Variants in JAKMIP3 observed in about 807,000 individuals in gnomAD.
JAKMIP3 encodes the protein Janus kinase and microtubule interacting protein 3.
JAKMIP3 carries 58 observed loss-of-function variants against 118.5 expected under a neutral mutation model. That is an observed-to-expected ratio of 0.49 (90% CI 0.40 to 0.61). The LOEUF (loss-of-function observed/expected upper bound fraction) is 0.61, where lower values mean the gene tolerates loss of function less well. Ranked by LOEUF, JAKMIP3 falls within the 20% of genes least tolerant of loss-of-function variation. The probability of loss-of-function intolerance (pLI) is 0.00; values close to 1 mark genes in which losing one functional copy is unlikely to be tolerated. For synonymous variants in JAKMIP3, 486 were observed against 451.2 expected (o/e 1.08, Z -0.98); for missense variants, 950 against 1,109.0 (o/e 0.86, Z 2.04).
chr10:132,055,989 G>A (rs1370660978), intron 1 of JAKMIP3, among the ~76,000 whole-genome samples: 1 of 152,224 alleles, frequency 6.6e-6, no homozygotes, highest in Non-Finnish European at 1.5e-5. Flanking sequence ...TCCAAGTGCT[G>A]TGAACATGAC....
Position 132,089,381 on chromosome 10 carries a change from T to C in JAKMIP3, c.-137-15291T>C, listed in dbSNP as rs548500426. Among the ~76,000 whole-genome samples the C allele has an allele frequency of 6.8e-4, 104 of 152,260 alleles. 1 individual carries two copies. Among genetic ancestry groups the C allele is most frequent in the African/African-American group, 2.4e-3 (101 of 41,540 alleles). ...CATTTGTATGTGTCCTCTTTTATTT[T>C]GTTGAGCAGTGGTTTGTAGTTCTCC... On this transcript the variant is annotated intron_variant, in intron 1 of 23. Coordinates refer to ENST00000684848, the MANE Select transcript of JAKMIP3 (RefSeq NM_001323087.2).
chr10:132,132,014 C>T (rs1283650861), intron 3 of JAKMIP3, among the ~76,000 whole-genome samples: 2 of 152,208 alleles, frequency 1.3e-5, no homozygotes, highest in African/African-American at 4.8e-5. Flanking sequence ...AAATGCCAGG[C>T]CGCAGGCACA....
rs2044233831 is a variant in JAKMIP3, at chr10:132,097,973, T to TCC, written c.-137-6699_-137-6698insCC. 2.0e-4 allele frequency among the ~76,000 whole-genome samples: 4 copies of TCC among 20,444 alleles called. 1 individual carries two copies. Among genetic ancestry groups the TCC allele is most frequent in the Non-Finnish European group, 3.7e-4 (3 of 8,204 alleles). 13.4% of individuals were successfully genotyped at this position (20,444 alleles called of 152,430 possible). On this transcript the variant is annotated intron_variant, in intron 1 of 23. Coordinates refer to ENST00000684848, the MANE Select transcript of JAKMIP3 (RefSeq NM_001323087.2). ...CCATCCCCTTTCCCTTTCCTTCCTTTTCTCCCCTTCCCCTTCCCCTTCCCC... is the reference window on the plus strand; with the variant it reads ...CCATCCCCTTTCCCTTTCCTTCCTTTCCTCTCCCCTTCCCCTTCCCCTTCCCC...
chr10:132,138,733 G>A lies in JAKMIP3; in HGVS notation c.1344+555G>A, dbSNP rs559682485. Among the ~76,000 whole-genome samples, 8 of 152,298 alleles carry A rather than the reference G, an allele frequency of 5.3e-5. No individual in the cohort carries two copies. The South Asian group carries it at 1.7e-3, about 32-fold the overall frequency. On this transcript the variant is annotated intron_variant, in intron 9 of 23. Coordinates refer to ENST00000684848, the MANE Select transcript of JAKMIP3 (RefSeq NM_001323087.2). ...CGGCTCTGGTGTCCTCACTGCCTGT[G>A]TAGGGTCCGAGTCCCCACGACCTGT...
chr10:132,148,507 C>T (rs1439422204), intron 14 of JAKMIP3, among the ~76,000 whole-genome samples: 6 of 104,738 alleles, frequency 5.7e-5, no homozygotes, highest in African/African-American at 1.2e-4. Flanking sequence ...CCGGCACGTC[C>T]GTCCTCCATC....
At chr10:132,149,005 G>A (rs1377794277) in intron 14 of JAKMIP3, among the ~76,000 whole-genome samples, 1 of 152,190 alleles carries the variant, frequency 6.6e-6, no homozygotes, top group Non-Finnish European at 1.5e-5. Flanking sequence ...CTGCCTGTGG[G>A]GACAGTGGCA....
chr10:132,176,280 T>A (rs966425431), intron 23 of JAKMIP3, among the ~76,000 whole-genome samples: 19 of 152,114 alleles, frequency 1.2e-4, no homozygotes, highest in Non-Finnish European at 2.8e-4. Flanking sequence ...AGCCATGGGG[T>A]CACGTTGCAT....
At chr10:132,129,717 C>T (rs1013518687) in intron 3 of JAKMIP3, among the ~76,000 whole-genome samples, 13 of 152,206 alleles carry the variant, frequency 8.5e-5, no homozygotes, top group South Asian at 4.2e-4. Context: ...GCTGTGTGTC[C>T]GGGGCCCTGT....
rs949307931 is a variant in JAKMIP3, at chr10:132,117,647, G to A, written c.633+73G>A. 36 of 1,165,626 alleles carry A rather than the reference G, an allele frequency of 3.1e-5. 1 individual carries two copies. In the Admixed American group the frequency reaches 5.1e-4, roughly 17 times the overall value. 72.2% of individuals were successfully genotyped at this position (1,165,626 alleles called of 1,614,324 possible). A position where few individuals can be genotyped will look rare whatever the true frequency, so the allele number is the denominator to read the frequency against. ...CGTGGGCGAGGGTGCAGGGGCGGGC[G>A]TGGGCGAGGGTGCAGGCGTGGGCTC... On this transcript the variant is annotated intron_variant, in intron 3 of 23. Coordinates refer to ENST00000684848, the MANE Select transcript of JAKMIP3 (RefSeq NM_001323087.2). This position sits in a 1 kb window ranked among gnomAD's most constrained non-coding sequence, Gnocchi z 8.6.
intron 14 of JAKMIP3, 84 bp downstream of exon 14, chr10:132,148,134 G>GAACATA (rs896543446): frequency 1.6e-6 from 1 of 640,462 alleles, no homozygotes; most frequent in African/African-American, 1.8e-5. Flanking sequence ...ACAAAGCCCT[G>GAACATA]AACATGAACA....
intron 19 of JAKMIP3, among the ~76,000 whole-genome samples, chr10:132,160,238 G>T (rs1187479764): frequency 8.3e-5 from 1 of 12,068 alleles, no homozygotes; most frequent in African/African-American, 4.8e-4. Context: ...GTGATGCTGG[G>T]GGGGGCCTCT....
intron 1 of JAKMIP3, among the ~76,000 whole-genome samples, chr10:132,045,261 C>T (rs917465670): frequency 6.6e-6 from 1 of 152,146 alleles, no homozygotes; most frequent in Non-Finnish European, 1.5e-5. Context: ...CTGCGTTTCC[C>T]CGGTGAGCAG....
intron 11 of JAKMIP3, among the ~76,000 whole-genome samples, chr10:132,143,113 C>T (rs946938449): frequency 6.6e-6 from 1 of 151,912 alleles, no homozygotes; most frequent in African/African-American, 2.4e-5. Context: ...GAGAGCTCCA[C>T]CCCTCTGTGC....
chr10:132,131,754 G>C (rs1204780256), intron 3 of JAKMIP3, among the ~76,000 whole-genome samples: 1 of 151,986 alleles, frequency 6.6e-6, no homozygotes, highest in Non-Finnish European at 1.5e-5. Context: ...CCGTGTCCTG[G>C]GAGCCCTCTC....
intron 21 of JAKMIP3, among the ~76,000 whole-genome samples, chr10:132,166,282 C>T (rs1169724997): frequency 2.0e-5 from 3 of 152,174 alleles, no homozygotes; most frequent in Non-Finnish European, 2.9e-5. Context: ...GCCATGATTA[C>T]GTCACTGCAC....
At chr10:132,080,901 T>G (rs55764236) in intron 1 of JAKMIP3, among the ~76,000 whole-genome samples, 53,932 of 152,008 alleles carry the variant, frequency 0.35, 9,999 homozygotes, top group African/African-American at 0.47. Flanking sequence ...CATCCCACAG[T>G]TTGTCCTTTC....
At chr10:132,045,176 C>T (rs184802396) in intron 1 of JAKMIP3, among the ~76,000 whole-genome samples, 11 of 152,248 alleles carry the variant, frequency 7.2e-5, no homozygotes, top group East Asian at 5.8e-4. Flanking sequence ...ATCCTCACAA[C>T]GCTCCCTTTC....
At chr10:132,137,868 G>A (rs1282731432) in intron 8 of JAKMIP3, among the ~76,000 whole-genome samples, 1 of 152,198 alleles carries the variant, frequency 6.6e-6, no homozygotes, top group Non-Finnish European at 1.5e-5. Flanking sequence ...TTTAGAAGGG[G>A]AGCTGGTAGA....
chr10:132,136,629 C>G (rs1273889684), intron 6 of JAKMIP3, among the ~76,000 whole-genome samples: 1 of 152,240 alleles, frequency 6.6e-6, no homozygotes, highest in Non-Finnish European at 1.5e-5. Context: ...CCTTACCCCT[C>G]TCTATGGAAG....
Sources: allele counts gnomAD v4.1 joint callset (sites outside exome capture counted in the v4.1 genomes callset), GRCh38; gene constraint gnomAD v4.1.1; non-coding constraint Gnocchi (gnomAD v3.1); transcripts MANE v1.5; gene names NCBI Gene and HGNC (gene_info 2026-07-23, HGNC 2026-07-21).